Variants in KCNT2 observed in about 807,000 individuals in gnomAD.
KCNT2 encodes potassium channel subfamily T member 2.
In KCNT2, 67 loss-of-function variants were observed where a neutral mutation model predicts 153.8. The observed-to-expected ratio is 0.44, with a 90% CI of 0.36 to 0.53. KCNT2 has a LOEUF of 0.53. Among genes scored for constraint, KCNT2 ranks in the 20% least tolerant of loss-of-function variants. The probability of loss-of-function intolerance (pLI) is 0.00; values close to 1 mark genes in which losing one functional copy is unlikely to be tolerated. For missense variants in KCNT2, 975 were observed against 1,354.8 expected (o/e 0.72, Z 4.40); for synonymous variants, 500 against 458.8 (o/e 1.09, Z -1.15).
At chr1:196,477,991 G>A (rs1678684866) in intron 5 of KCNT2, among the ~76,000 whole-genome samples, 1 of 152,170 alleles carries the variant, frequency 6.6e-6, no homozygotes, top group South Asian at 2.1e-4. Context: ...ACCAGTACCT[G>A]AAATTCATCA....
At chr1:196,585,357 T>C (rs1297200743) in intron 1 of KCNT2, among the ~76,000 whole-genome samples, 2 of 152,236 alleles carry the variant, frequency 1.3e-5, no homozygotes, top group East Asian at 3.9e-4. Context: ...AAGTAACTGG[T>C]AGTGAGTAAA....
At chr1:196,389,107 T>G (rs1471090299) in intron 13 of KCNT2, among the ~76,000 whole-genome samples, 1 of 151,786 alleles carries the variant, frequency 6.6e-6, no homozygotes, top group Non-Finnish European at 1.5e-5. Context: ...ATATACTTAT[T>G]TTCCCCTTTA....
intron 26 of KCNT2, among the ~76,000 whole-genome samples, chr1:196,253,035 G>A (rs1333185673): frequency 6.6e-6 from 1 of 150,892 alleles, no homozygotes; most frequent in African/African-American, 2.4e-5. Context: ...GTATTTATTA[G>A]TATTTATATT....
chr1:196,396,558 T>C (rs1444734059), intron 13 of KCNT2, among the ~76,000 whole-genome samples: 1 of 151,316 alleles, frequency 6.6e-6, no homozygotes, highest in Non-Finnish European at 1.5e-5. Flanking sequence ...GGTATTGTTT[T>C]GAGAGCTTCA....
chr1:196,388,595 T>A (rs1052673492), intron 13 of KCNT2, among the ~76,000 whole-genome samples: 1 of 151,682 alleles, frequency 6.6e-6, no homozygotes, highest in Non-Finnish European at 1.5e-5. Context: ...AGTTTCTTTA[T>A]ATGAGACTTG....
chr1:196,442,954 CATACATAT>C (rs1675371599), intron 8 of KCNT2, among the ~76,000 whole-genome samples: 1 of 151,406 alleles, frequency 6.6e-6, no homozygotes, highest in African/African-American at 2.4e-5. Flanking sequence ...GTAAGCCACA[CATACATAT>C]ATAGCTCTTG....
At chr1:196,358,009 G>T (rs775201315) in intron 14 of KCNT2, among the ~76,000 whole-genome samples, 2 of 150,942 alleles carry the variant, frequency 1.3e-5, no homozygotes, top group South Asian at 2.1e-4. Context: ...TATTTATTAC[G>T]ACTCACACTC....
At chr1:196,255,807 C>G (rs1656435109) in intron 26 of KCNT2, among the ~76,000 whole-genome samples, 1 of 151,806 alleles carries the variant, frequency 6.6e-6, no homozygotes, top group East Asian at 1.9e-4. Context: ...AATGCAGAAT[C>G]TTTTGGGAGT....
At chr1:196,425,387 C>A (rs554000320) in intron 11 of KCNT2, among the ~76,000 whole-genome samples, 55 of 151,770 alleles carry the variant, frequency 3.6e-4, no homozygotes, top group South Asian at 6.2e-4. Context: ...CCAGGCAACA[C>A]AAGTGCTATG....
intron 27 of KCNT2, among the ~76,000 whole-genome samples, chr1:196,229,532 G>A (rs1447803019): frequency 6.6e-6 from 1 of 152,066 alleles, no homozygotes; most frequent in East Asian, 1.9e-4. Context: ...AATTGTTTAA[G>A]TGAAAGGAAG....
intron 12 of KCNT2, among the ~76,000 whole-genome samples, chr1:196,406,140 G>A (rs938450838): frequency 6.6e-6 from 1 of 151,384 alleles, no homozygotes; most frequent in Non-Finnish European, 1.5e-5. Flanking sequence ...CTAATATGTA[G>A]ACTGTTAAAA....
chr1:196,485,492 G>C (rs1310623618), intron 3 of KCNT2, among the ~76,000 whole-genome samples: 2 of 151,888 alleles, frequency 1.3e-5, no homozygotes, highest in Admixed American at 1.3e-4. Flanking sequence ...AAAGAAATCT[G>C]CTTACGTCAA....
intron 22 of KCNT2, among the ~76,000 whole-genome samples, chr1:196,301,457 C>A (rs1361698782): frequency 6.6e-6 from 1 of 152,154 alleles, no homozygotes; most frequent in Non-Finnish European, 1.5e-5. Flanking sequence ...ATATCCCCTA[C>A]AGTAGATATT....
intron 1 of KCNT2, among the ~76,000 whole-genome samples, chr1:196,493,723 T>C (rs574046870): frequency 6.6e-6 from 1 of 152,268 alleles, no homozygotes; most frequent in South Asian, 2.1e-4. Context: ...TGTGTGATGT[T>C]ACCCTCAACA....
intron 13 of KCNT2, among the ~76,000 whole-genome samples, chr1:196,395,524 T>TA (rs900058655): frequency 2.6e-5 from 4 of 151,572 alleles, no homozygotes; most frequent in African/African-American, 9.7e-5. Flanking sequence ...GCTTAAAAAT[T>TA]AAAAAGATAC....
chr1:196,571,626 A>G (rs1281568373), intron 1 of KCNT2, among the ~76,000 whole-genome samples: 1 of 152,128 alleles, frequency 6.6e-6, no homozygotes, highest in African/African-American at 2.4e-5. Flanking sequence ...GGTAATTGTG[A>G]TCAACAGATC....
At chr1:196,382,659 G>A (rs1572242242) in intron 13 of KCNT2, among the ~76,000 whole-genome samples, 5 of 151,994 alleles carry the variant, frequency 3.3e-5, no homozygotes, top group Admixed American at 3.3e-4. Context: ...GGAAAAAGCA[G>A]GAAGCAATAA....
At chr1:196,407,907 C>T (rs1325530644) in intron 12 of KCNT2, among the ~76,000 whole-genome samples, 2 of 151,332 alleles carry the variant, frequency 1.3e-5, no homozygotes, top group African/African-American at 4.8e-5. Context: ...CCTAAGATGC[C>T]TCAAAGTTTC....
intron 22 of KCNT2, among the ~76,000 whole-genome samples, chr1:196,288,960 T>C (rs1659930495): frequency 6.6e-6 from 1 of 152,146 alleles, no homozygotes; most frequent in Non-Finnish European, 1.5e-5. Context: ...TACAAGTTAC[T>C]TAAGCTCTCT....
Sources: allele counts gnomAD v4.1 joint callset (sites outside exome capture counted in the v4.1 genomes callset), GRCh38; gene constraint gnomAD v4.1.1; transcripts MANE v1.5; gene names NCBI Gene and HGNC (gene_info 2026-07-23, HGNC 2026-07-21).